The following NOS1AP variants were observed in gnomAD, a reference collection of about 807,000 sequenced individuals.
NOS1AP encodes carboxyl-terminal PDZ ligand of neuronal nitric oxide synthase protein.
In NOS1AP, 21 loss-of-function variants were observed where a neutral mutation model predicts 56.2. The ratio of observed to expected loss-of-function variants is 0.37; its 90% CI spans 0.26 to 0.54. The LOEUF (loss-of-function observed/expected upper bound fraction) is 0.54, where lower values mean the gene tolerates loss of function less well. Ranked by LOEUF, NOS1AP falls within the 20% of genes least tolerant of loss-of-function variation. The probability of loss-of-function intolerance (pLI) is 0.84; values close to 1 mark genes in which losing one functional copy is unlikely to be tolerated. For synonymous variants in NOS1AP, 270 were observed against 274.6 expected, an observed-to-expected ratio of 0.98 and a Z score of 0.17; for missense variants, 522 against 657.8, an observed-to-expected ratio of 0.79 and a Z score of 2.26.
chr1:162,285,866 A>G (rs1389847648), intron 2 of NOS1AP, among the ~76,000 whole-genome samples: 1 of 152,138 alleles, frequency 6.6e-6, no homozygotes, highest in Admixed American at 6.5e-5. Context: ...GTCATCAATG[A>G]TGTAGGTTGC....
At chr1:162,074,629 C>T (rs1691731922) in intron 1 of NOS1AP, among the ~76,000 whole-genome samples, 1 of 152,190 alleles carries the variant, frequency 6.6e-6, no homozygotes, top group East Asian at 1.9e-4. Flanking sequence ...AACAAACGAC[C>T]TCAAGACTCA....
At chr1:162,081,413 G>C (rs1691882597) in intron 1 of NOS1AP, among the ~76,000 whole-genome samples, 1 of 152,110 alleles carries the variant, frequency 6.6e-6, no homozygotes, top group African/African-American at 2.4e-5. Flanking sequence ...TGGAGAATGG[G>C]AAGGAGAGGA....
At chr1:162,140,276 A>G (rs1289281885) in intron 1 of NOS1AP, among the ~76,000 whole-genome samples, 1 of 152,074 alleles carries the variant, frequency 6.6e-6, no homozygotes, top group Non-Finnish European at 1.5e-5. Flanking sequence ...ACAATCATTT[A>G]TTTGCTAGGA....
chr1:162,139,591 G>A (rs1558118026), intron 1 of NOS1AP, among the ~76,000 whole-genome samples: 1 of 152,212 alleles, frequency 6.6e-6, no homozygotes, highest in Non-Finnish European at 1.5e-5. Flanking sequence ...GGCCACTGGT[G>A]CAGTGGAATA....
At chr1:162,249,301 G>A (rs1269057510) in intron 2 of NOS1AP, among the ~76,000 whole-genome samples, 1 of 152,160 alleles carries the variant, frequency 6.6e-6, no homozygotes, top group East Asian at 1.9e-4. Flanking sequence ...TTTTTAAAAT[G>A]TCCATATGAC....
chr1:162,180,503 C>G (rs1193355671), intron 2 of NOS1AP, among the ~76,000 whole-genome samples: 2 of 152,180 alleles, frequency 1.3e-5, no homozygotes, highest in African/African-American at 4.8e-5. Flanking sequence ...CTCAGCCTCC[C>G]AAAGTGCTGG....
chr1:162,114,224 G>A (rs1017383627), intron 1 of NOS1AP, among the ~76,000 whole-genome samples: 5 of 151,852 alleles, frequency 3.3e-5, no homozygotes, highest in Non-Finnish European at 7.4e-5. Flanking sequence ...TATCAGTCAG[G>A]GTTCAACCAA....
intron 6 of NOS1AP, among the ~76,000 whole-genome samples, chr1:162,345,411 G>GT (rs1657260307): frequency 6.7e-6 from 1 of 150,106 alleles, no homozygotes; most frequent in Non-Finnish European, 1.5e-5. Flanking sequence ...GCGGTGTTTG[G>GT]TTTTTTGTTC....
In NOS1AP at chr1:162,366,542, T is replaced by C. The variant is rs541032559; in HGVS notation, c.1106-510T>C. Reference sequence around the variant, plus strand: ...TAAAAATGCGTCTTTCCTACTGAGATCCTACATCGTTCTGTCTAGGGCTGG... The same window carrying C: ...TAAAAATGCGTCTTTCCTACTGAGACCCTACATCGTTCTGTCTAGGGCTGG... On this transcript the variant is annotated intron_variant, in intron 9 of 9. Transcript: ENST00000361897. Among the ~76,000 whole-genome samples, 36 of 152,244 alleles carry C rather than the reference T, an allele frequency of 2.4e-4. 1 individual carries two copies. In the South Asian group the frequency reaches 7.5e-3, roughly 32 times the overall value.
intron 3 of NOS1AP, among the ~76,000 whole-genome samples, chr1:162,295,567 T>C (rs1332004117): frequency 6.6e-6 from 1 of 152,136 alleles, no homozygotes; most frequent in Non-Finnish European, 1.5e-5. Flanking sequence ...TATAGAAAAG[T>C]GAGGAGGAGC....
At position 162,287,694 on chromosome 1, in the gene NOS1AP, A is replaced by AC. The variant is rs530465271; in HGVS notation, c.270+264dup. Among the ~76,000 whole-genome samples, 8,055 of 150,726 alleles carry AC rather than the reference A, an allele frequency of 0.053. 251 individuals are homozygous for AC. Among genetic ancestry groups the AC allele is most frequent in the South Asian group, 0.076 (361 of 4,722 alleles). ...TCACCTCCTGTCATCCATGCCTTCAACCCCCCTCCCCATTTTCATACCTTT... is the reference window on the plus strand; with the variant it reads ...TCACCTCCTGTCATCCATGCCTTCAACCCCCCCTCCCCATTTTCATACCTTT... On this transcript the variant is annotated intron_variant, in intron 3 of 9. Coordinates refer to ENST00000361897, the MANE Select transcript of NOS1AP (RefSeq NM_014697.3).
At chr1:162,078,647 AT>A (rs1420531414) in intron 1 of NOS1AP, among the ~76,000 whole-genome samples, 2 of 152,044 alleles carry the variant, frequency 1.3e-5, no homozygotes, top group African/African-American at 4.8e-5. Flanking sequence ...TGCCCTATCA[AT>A]TTTCTTGAAA....
In NOS1AP at chr1:162,206,747, T is replaced by C. The variant is rs80059986; in HGVS notation, c.177+52271T>C. 8.8e-3 allele frequency among the ~76,000 whole-genome samples: 1,343 copies of C among 152,308 alleles called. 11 individuals carry two copies. Among genetic ancestry groups the C allele is most frequent in the Non-Finnish European group, 0.014 (968 of 68,030 alleles). On this transcript the variant is annotated intron_variant, in intron 2 of 9. Coordinates refer to ENST00000361897, the MANE Select transcript of NOS1AP (RefSeq NM_014697.3). ...ATGCAGTGTGGCTGGCACATGATAT[T>C]GTTACCAGACAAGCCAGAAGACCTT... is the stretch of plus-strand genomic sequence containing the variant.
In NOS1AP at chr1:162,199,595, C is replaced by CGTGTGTGT. The variant is rs58625856; in HGVS notation, c.177+45158_177+45165dup. 3.2e-3 allele frequency among the ~76,000 whole-genome samples: 417 copies of CGTGTGTGT among 131,694 alleles called. 6 individuals carry two copies. Among genetic ancestry groups the CGTGTGTGT allele is most frequent in the African/African-American group, 3.9e-3 (137 of 34,880 alleles). 86.4% of individuals were successfully genotyped at this position (131,694 alleles called of 152,430 possible). On this transcript the variant is annotated intron_variant, in intron 2 of 9. Coordinates refer to ENST00000361897, the MANE Select transcript of NOS1AP (RefSeq NM_014697.3). ...ATTCTGGACAACAGAGCATGGATTG[C>CGTGTGTGT]GTGTGTGTGTGTGTGTGTGTGTGTG...
chr1:162,262,115 T>C (rs1458014153), intron 2 of NOS1AP, among the ~76,000 whole-genome samples: 1 of 152,212 alleles, frequency 6.6e-6, no homozygotes, highest in Non-Finnish European at 1.5e-5. Flanking sequence ...GGTTGATTTT[T>C]GTTTTAGGGA....
intron 2 of NOS1AP, among the ~76,000 whole-genome samples, chr1:162,232,644 A>T (rs1653159440): frequency 6.6e-6 from 1 of 152,004 alleles, no homozygotes; most frequent in Non-Finnish European, 1.5e-5. Context: ...TTGTGCTTTG[A>T]TTCTGCTAAC....
rs539475592 is a variant in NOS1AP, at chr1:162,339,267, A to G, written c.454-4568A>G. Among the ~76,000 whole-genome samples, 30 of 152,290 alleles carry G rather than the reference A, an allele frequency of 2.0e-4. 1 individual carries two copies. The highest frequency in any genetic ancestry group is 6.5e-4 in the African/African-American group (27 of 41,554). Reference sequence around the variant, plus strand: ...TAATCTTGACAATGAAGAGCCCACAAATGCTTTTGGGCTGCTAATAGAAAA... The same window carrying G: ...TAATCTTGACAATGAAGAGCCCACAGATGCTTTTGGGCTGCTAATAGAAAA... On this transcript the variant is annotated intron_variant, in intron 5 of 9. Coordinates refer to ENST00000361897, the MANE Select transcript of NOS1AP (RefSeq NM_014697.3).
At chr1:162,337,907 C>T (rs1656991294) in intron 5 of NOS1AP, among the ~76,000 whole-genome samples, 1 of 152,190 alleles carries the variant, frequency 6.6e-6, no homozygotes, top group Non-Finnish European at 1.5e-5. Flanking sequence ...AGCCTTAGTA[C>T]TGTAGATCCT....
At chr1:162,284,800 C>T (rs114171665) in intron 2 of NOS1AP, among the ~76,000 whole-genome samples, 1,693 of 152,262 alleles carry the variant, frequency 0.011, 27 homozygotes, top group African/African-American at 0.039. Flanking sequence ...GGCTGGGTGC[C>T]TCTTGCTATG....
Sources: allele counts gnomAD v4.1 joint callset (sites outside exome capture counted in the v4.1 genomes callset), GRCh38; gene constraint gnomAD v4.1.1; transcripts MANE v1.5; gene names NCBI Gene and HGNC (gene_info 2026-07-23, HGNC 2026-07-21).